The following KCTD16 variants were observed in gnomAD, a reference collection of about 807,000 sequenced individuals.
The protein encoded by KCTD16 is potassium channel tetramerization domain containing 16.
KCTD16 carries 13 observed loss-of-function variants against 33.2 expected under a neutral mutation model. The observed-to-expected ratio is 0.39, with a 90% CI of 0.25 to 0.62. The LOEUF (loss-of-function observed/expected upper bound fraction) is 0.62, where lower values mean the gene tolerates loss of function less well. Among genes scored for constraint, KCTD16 ranks in the 20% least tolerant of loss-of-function variants. The probability of loss-of-function intolerance (pLI) is 0.50; values close to 1 mark genes in which losing one functional copy is unlikely to be tolerated. For synonymous variants in KCTD16, 197 were observed against 195.3 expected, an observed-to-expected ratio of 1.01 and a Z score of -0.07; for missense variants, 441 against 525.1, an observed-to-expected ratio of 0.84 and a Z score of 1.57.
At chr5:144,442,029 A>G (rs540593285) in intron 3 of KCTD16, among the ~76,000 whole-genome samples, 2 of 152,270 alleles carry the variant, frequency 1.3e-5, no homozygotes, top group African/African-American at 4.8e-5. Context: ...TTTTTAGTGT[A>G]CAAGACTTGC....
At chr5:144,442,851 C>G (rs1056706246) in intron 3 of KCTD16, among the ~76,000 whole-genome samples, 13 of 146,528 alleles carry the variant, frequency 8.9e-5, no homozygotes, top group African/African-American at 3.6e-4. Context: ...CACCTTTGCT[C>G]TATACTAGGT....
At chr5:144,222,989 G>C (rs1430176514) in intron 3 of KCTD16, among the ~76,000 whole-genome samples, 1 of 152,184 alleles carries the variant, frequency 6.6e-6, no homozygotes, top group Non-Finnish European at 1.5e-5. Flanking sequence ...CATGTCTTTT[G>C]TAGGGACATG....
At chr5:144,307,058 C>G (rs954223301) in intron 3 of KCTD16, among the ~76,000 whole-genome samples, 2 of 152,226 alleles carry the variant, frequency 1.3e-5, no homozygotes, top group African/African-American at 4.8e-5. Flanking sequence ...TGATCTGACA[C>G]TAGCCCACCT....
At chr5:144,227,901 A>G (rs1753983452) in intron 3 of KCTD16, among the ~76,000 whole-genome samples, 1 of 152,342 alleles carries the variant, frequency 6.6e-6, no homozygotes, top group South Asian at 2.1e-4. Context: ...ATTTGGAAGA[A>G]TGGAGTTACT....
intron 3 of KCTD16, among the ~76,000 whole-genome samples, chr5:144,319,310 C>G (rs1024439745): frequency 1.3e-5 from 2 of 151,912 alleles, no homozygotes; most frequent in African/African-American, 4.8e-5. Context: ...CTTACGCAGA[C>G]TCACACAGCT....
At chr5:144,428,382 T>C (rs574670466) in intron 3 of KCTD16, among the ~76,000 whole-genome samples, 7 of 152,298 alleles carry the variant, frequency 4.6e-5, no homozygotes, top group African/African-American at 1.2e-4. Flanking sequence ...CATAACTTGG[T>C]AATTTGATTT....
At chr5:144,259,641 G>C (rs1754951908) in intron 3 of KCTD16, among the ~76,000 whole-genome samples, 1 of 152,134 alleles carries the variant, frequency 6.6e-6, no homozygotes, top group Non-Finnish European at 1.5e-5. Flanking sequence ...TATTTTCTTA[G>C]GGCATATTGT....
intron 3 of KCTD16, among the ~76,000 whole-genome samples, chr5:144,261,442 A>G (rs922293544): frequency 6.6e-6 from 1 of 152,184 alleles, no homozygotes; most frequent in African/African-American, 2.4e-5. Context: ...TGCTTCTATA[A>G]AAGGGGAGAA....
chr5:144,192,340 A>G (rs926997749), intron 2 of KCTD16, among the ~76,000 whole-genome samples: 1 of 152,218 alleles, frequency 6.6e-6, no homozygotes, highest in African/African-American at 2.4e-5. Flanking sequence ...TACTTAAGGC[A>G]GAAGAGAAAG....
intron 3 of KCTD16, among the ~76,000 whole-genome samples, chr5:144,301,251 A>AG (rs1751431207): frequency 6.6e-6 from 1 of 151,692 alleles, no homozygotes; most frequent in Non-Finnish European, 1.5e-5. Context: ...AAAAAAAAAA[A>AG]AAAAAAAAAA....
At chr5:144,311,260 G>A (rs1751761666) in intron 3 of KCTD16, among the ~76,000 whole-genome samples, 1 of 152,174 alleles carries the variant, frequency 6.6e-6, no homozygotes, top group South Asian at 2.1e-4. Flanking sequence ...TTGTGCACAA[G>A]TACTGTAGAA....
chr5:144,334,604 C>T (rs565233092), intron 3 of KCTD16, among the ~76,000 whole-genome samples: 13 of 152,114 alleles, frequency 8.5e-5, no homozygotes, highest in African/African-American at 2.9e-4. Context: ...TTTGTCTCCA[C>T]GATTTAAATT....
At chr5:144,462,855 G>A (rs1754232296) in intron 3 of KCTD16, among the ~76,000 whole-genome samples, 1 of 152,168 alleles carries the variant, frequency 6.6e-6, no homozygotes, top group African/African-American at 2.4e-5. Flanking sequence ...CCTGTGTTAA[G>A]TGAATAAACC....
At chr5:144,436,724 AT>A (rs1753588221) in intron 3 of KCTD16, among the ~76,000 whole-genome samples, 1 of 151,208 alleles carries the variant, frequency 6.6e-6, no homozygotes. Context: ...AGTAGCTGGG[AT>A]TACAGGAGCA....
At chr5:144,378,811 C>T (rs761278671) in intron 3 of KCTD16, among the ~76,000 whole-genome samples, 4 of 152,256 alleles carry the variant, frequency 2.6e-5, no homozygotes, top group South Asian at 2.1e-4. Flanking sequence ...GCTGAACCAA[C>T]GTGTTATTTG....
intron 3 of KCTD16, among the ~76,000 whole-genome samples, chr5:144,214,538 G>A (rs1402697713): frequency 2.0e-5 from 3 of 152,018 alleles, no homozygotes; most frequent in African/African-American, 7.3e-5. Flanking sequence ...TTGCCATTCT[G>A]CCCTCTTTGC....
chr5:144,199,922 C>A (rs1753011406), intron 2 of KCTD16, among the ~76,000 whole-genome samples: 1 of 151,798 alleles, frequency 6.6e-6, no homozygotes, highest in South Asian at 2.1e-4. Context: ...ACCATGTTAG[C>A]CAGGATGGTC....
chr5:144,364,465 G>A (rs1029432647), intron 3 of KCTD16, among the ~76,000 whole-genome samples: 1 of 152,196 alleles, frequency 6.6e-6, no homozygotes, highest in Admixed American at 6.5e-5. Context: ...AAGCGAGCAT[G>A]ACTCCACAGG....
chr5:144,209,873 T>C (rs974117912), intron 3 of KCTD16, among the ~76,000 whole-genome samples: 1 of 145,636 alleles, frequency 6.9e-6, no homozygotes, highest in African/African-American at 2.5e-5. Flanking sequence ...TATATATGTG[T>C]GTATGTATGT....
Sources: allele counts gnomAD v4.1 joint callset (sites outside exome capture counted in the v4.1 genomes callset), GRCh38; gene constraint gnomAD v4.1.1; transcripts MANE v1.5; gene names NCBI Gene and HGNC (gene_info 2026-07-23, HGNC 2026-07-21).